The following BAHCC1 variants were observed in gnomAD, a reference collection of about 807,000 sequenced individuals.
The protein encoded by BAHCC1 is BAH and coiled-coil domain-containing protein 1.
BAHCC1 carries 43 observed loss-of-function variants against 88.2 expected under a neutral mutation model. The ratio of observed to expected loss-of-function variants is 0.49; its 90% CI spans 0.38 to 0.63. The LOEUF (loss-of-function observed/expected upper bound fraction) is 0.63, where lower values mean the gene tolerates loss of function less well. BAHCC1 is among the 20% of genes least tolerant of loss of function. The probability of loss-of-function intolerance (pLI) is 0.00; values close to 1 mark genes in which losing one functional copy is unlikely to be tolerated. For missense variants in BAHCC1, 3,023 were observed against 1,654.8 expected, an observed-to-expected ratio of 1.83 and a Z score of -14.34; for synonymous variants, 1,510 against 745.5, an observed-to-expected ratio of 2.03 and a Z score of -16.71.
Position 81,464,100 on chromosome 17 carries a change from C to T in BAHCC1, c.*283C>T, listed in dbSNP as rs1178024716. ...CCACAGCGCCCTCCGTTTCCCGCAC[C>T]GGCAGTTCACGGGAGATTTGAATCC... On this transcript the variant is annotated 3_prime_UTR_variant, in exon 28 of 28. Coordinates refer to ENST00000675386, the MANE Select transcript of BAHCC1 (RefSeq NM_001377448.1). The T allele has an allele frequency of 9.5e-6, 5 of 528,442 alleles. No individual in the cohort carries two copies. In the East Asian group the frequency reaches 9.7e-5, roughly 10 times the overall value. The allele number at this position is 528,442 out of a possible 1,614,324, so 32.7% of individuals were successfully genotyped here. A position where few individuals can be genotyped will look rare whatever the true frequency, so the allele number is the denominator to read the frequency against.
chr17:81,454,147 G>A (rs1172053000), intron 14 of BAHCC1, among the ~76,000 whole-genome samples: 1 of 152,216 alleles, frequency 6.6e-6, no homozygotes, highest in Non-Finnish European at 1.5e-5. Context: ...AGAACAGGCA[G>A]AGAGACTCCC....
chr17:81,462,293 G>A lies in BAHCC1; in HGVS notation c.7383+247G>A, dbSNP rs374413329. On this transcript the variant is annotated intron_variant, in intron 26 of 27. Transcript: ENST00000675386. ...AATGGCTTCATGTCGGGCCGGGCCT[G>A]AGCTGCACTCCGCATGGTGTGGCCT... Among the ~76,000 whole-genome samples the A allele has an allele frequency of 1.2e-4, 18 of 152,342 alleles. No homozygotes were observed. The East Asian group carries it at 1.9e-3, about 16-fold the overall frequency.
chr17:81,447,642 T>C lies in BAHCC1; in HGVS notation c.3770T>C (p.Leu1257Pro). Residue 1257 changes from leucine (L) to proline (P), a missense_variant, in exon 11 of 28, where the codon CTA (leucine) becomes CCA (proline). By Grantham distance (98) the Leu-to-Pro change is moderately conservative (BLOSUM62 -3). Transcript: ENST00000675386. ...APDNSHPPRALPGLDALVAAT... is the reference protein window; with the variant it reads ...APDNSHPPRAPPGLDALVAAT... ...GACAACAGCCACCCACCCAGGGCGC[T>C]ACCAGGCCTGGATGCCTTGGTGGCC... 1 of 741,446 alleles carries C rather than the reference T, an allele frequency of 1.3e-6. No homozygotes were observed. Among genetic ancestry groups the C allele is most frequent in the Non-Finnish European group, 2.5e-6 (1 of 399,222 alleles). 45.9% of individuals were successfully genotyped at this position (741,446 alleles called of 1,614,324 possible). A position where few individuals can be genotyped will look rare whatever the true frequency, so the allele number is the denominator to read the frequency against.
At chr17:81,437,847 C>T (rs574756330) in intron 3 of BAHCC1, among the ~76,000 whole-genome samples, 9 of 152,324 alleles carry the variant, frequency 5.9e-5, no homozygotes, top group East Asian at 1.9e-4. Context: ...GGTGGGAACT[C>T]GGCGTCGGAT....
At chr17:81,457,373 C>T in intron 16 of BAHCC1, 37 bp from the exon 17 acceptor site, 1 of 744,490 alleles carries the variant, frequency 1.3e-6, no homozygotes, top group South Asian at 1.4e-5. Flanking sequence ...GCACAGCTTA[C>T]CATCAAGTCA....
intron 2 of BAHCC1, among the ~76,000 whole-genome samples, chr17:81,424,297 T>C (rs749850129): frequency 1.3e-4 from 20 of 152,340 alleles, no homozygotes; most frequent in Non-Finnish European, 1.6e-4. Context: ...ACAGGGCCTA[T>C]GGCTGGGGCC....
intron 15 of BAHCC1, 79 bp from the exon 16 acceptor site, chr17:81,456,218 C>T: frequency 3.0e-6 from 2 of 665,124 alleles, no homozygotes; most frequent in Non-Finnish European, 2.7e-6. Flanking sequence ...CGGGCATCAA[C>T]AGAGAGGCAC....
chr17:81,408,933 A>G (rs1398155245), intron 2 of BAHCC1, among the ~76,000 whole-genome samples: 2 of 152,216 alleles, frequency 1.3e-5, no homozygotes, highest in African/African-American at 4.8e-5. Flanking sequence ...GCCCCAGTGC[A>G]TAAGTGCCCA....
chr17:81,462,571 G>A (rs2030394590), intron 26 of BAHCC1, 169 bp from the exon 27 acceptor site: 3 of 586,742 alleles, frequency 5.1e-6, no homozygotes, highest in Non-Finnish European at 9.1e-6. Flanking sequence ...ATCCATGGCT[G>A]CCATGGCCTT....
rs1173924758 is a variant in BAHCC1 at position 81,435,788 on chromosome 17, C to T, written c.359-2582C>T. On this transcript the variant is annotated intron_variant, in intron 3 of 27. Coordinates refer to ENST00000675386, the MANE Select transcript of BAHCC1 (RefSeq NM_001377448.1). The surrounding 1 kb of genome is among the most constrained non-coding windows in gnomAD (Gnocchi z 4.4). ...CCAGGATGCCTGTGTGTCCCCGGCC[C>T]GGCCGCAGCAGCCCTGCCTTCCCCC... 2.0e-5 allele frequency among the ~76,000 whole-genome samples: 3 copies of T among 151,688 alleles called. No homozygotes were observed. The highest frequency in any genetic ancestry group is 4.4e-5 in the Non-Finnish European group (3 of 67,864).
chr17:81,409,650 C>T (rs540713009), intron 2 of BAHCC1, among the ~76,000 whole-genome samples: 1 of 152,272 alleles, frequency 6.6e-6, no homozygotes, highest in East Asian at 1.9e-4. Context: ...CTGGGGAGGG[C>T]TGCCTCTCCC....
At chr17:81,460,734 G>C in intron 25 of BAHCC1, 28 bp downstream of exon 25, 1 of 776,390 alleles carries the variant, frequency 1.3e-6, no homozygotes, top group Non-Finnish European at 2.4e-6. Context: ...CCAGAATCCG[G>C]ATCGGGGAAG....
chr17:81,409,324 C>T (rs896770635), intron 2 of BAHCC1, among the ~76,000 whole-genome samples: 1 of 148,404 alleles, frequency 6.7e-6, no homozygotes, highest in African/African-American at 2.5e-5. Context: ...TAGCGCCACA[C>T]GAGGTGGTGG....
chr17:81,456,340 C>T lies in BAHCC1; in HGVS notation c.4613C>T (p.Ala1538Val), dbSNP rs1555657256. ...AAGAGCAGCTGTCAGGGCGGGCTGG[C>T]GCCCTCCGTGGCCCACAGGGTGGCC... is the stretch of plus-strand genomic sequence containing the variant. ...CKKSSCQGGL[A>V]PSVAHRVAQL... The change falls in exon 16 of 28, where the codon GCG (alanine) becomes GTG (valine). Residue 1538 changes from alanine to valine, a missense_variant. Ala to Val is a moderately conservative substitution (Grantham distance 64, BLOSUM62 0). Coordinates refer to ENST00000675386, the MANE Select transcript of BAHCC1 (RefSeq NM_001377448.1). 1.1e-5 allele frequency: 8 copies of T among 723,326 alleles called. No homozygotes were observed. The highest frequency in any genetic ancestry group is 2.9e-5 in the South Asian group (2 of 67,990). The allele number at this position is 723,326 out of a possible 1,614,324, so 44.8% of individuals were successfully genotyped here.
chr17:81,428,371 A>G (rs1289283269), intron 3 of BAHCC1, among the ~76,000 whole-genome samples: 2 of 152,142 alleles, frequency 1.3e-5, no homozygotes, highest in Non-Finnish European at 2.9e-5. Context: ...CCGGGGGAGC[A>G]GGAAGGGGAG....
intron 11 of BAHCC1, among the ~76,000 whole-genome samples, chr17:81,449,061 G>A (rs1485221971): frequency 6.6e-6 from 1 of 152,218 alleles, no homozygotes; most frequent in Non-Finnish European, 1.5e-5. Context: ...TGGCCAGAGT[G>A]GCCGGTCTGC....
chr17:81,398,857 G>GTC (rs1366372729), intron 1 of BAHCC1, among the ~76,000 whole-genome samples: 1 of 152,028 alleles, frequency 6.6e-6, no homozygotes, highest in East Asian at 1.9e-4. Flanking sequence ...CTGGGGAGGG[G>GTC]GGACCACGGT....
rs782213915 is a variant in BAHCC1 at position 81,441,818 on chromosome 17, CT to C, written c.482-10del. 1.7e-6 allele frequency: 1 copy of C among 603,112 alleles called. No individual in the cohort carries two copies. The highest frequency in any genetic ancestry group is 2.6e-5 in the Admixed American group (1 of 38,894). 37.4% of individuals were successfully genotyped at this position (603,112 alleles called of 1,614,324 possible). Reference sequence around the variant, plus strand: ...CTAAGGCCTCCCATTGACCTTGGCTCTTTCCCACACAGATAACTTCTACCTG... The same window carrying C: ...CTAAGGCCTCCCATTGACCTTGGCTCTTCCCACACAGATAACTTCTACCTG... On this transcript the variant is annotated splice_polypyrimidine_tract_variant and intron_variant, in intron 4 of 27. Coordinates refer to ENST00000675386, the MANE Select transcript of BAHCC1 (RefSeq NM_001377448.1).
At chr17:81,441,299 G>A (rs2064410593) in intron 4 of BAHCC1, among the ~76,000 whole-genome samples, 1 of 152,152 alleles carries the variant, frequency 6.6e-6, no homozygotes. Flanking sequence ...TGTGCCCAGT[G>A]CCCCTGAACT....
Sources: gnomAD v4.1 joint callset for allele counts (sites outside exome capture counted in the v4.1 genomes callset) on GRCh38, gnomAD v4.1.1 for gene constraint, Gnocchi (gnomAD v3.1) non-coding constraint, MANE v1.5 for transcripts, NCBI Gene and HGNC (gene_info 2026-07-23, HGNC 2026-07-21) for gene names.